The following SEMA6D variants were observed in gnomAD, a reference collection of about 807,000 sequenced individuals.
SEMA6D encodes semaphorin-6D.
Under a neutral mutation model 106.6 loss-of-function variants are expected in SEMA6D, and 35 were observed. The observed-to-expected ratio is 0.33, with a 90% CI of 0.25 to 0.44. The LOEUF (loss-of-function observed/expected upper bound fraction) is 0.44, where lower values mean the gene tolerates loss of function less well. Ranked by LOEUF, SEMA6D falls within the 20% of genes least tolerant of loss-of-function variation. The probability of loss-of-function intolerance (pLI) is 1.00; values close to 1 mark genes in which losing one functional copy is unlikely to be tolerated. For missense variants in SEMA6D, 1,185 were observed against 1,345.9 expected, an observed-to-expected ratio of 0.88 and a Z score of 1.87; for synonymous variants, 499 against 487.7, an observed-to-expected ratio of 1.02 and a Z score of -0.31.
chr15:47,283,675 G>A (rs76806069), intron 1 of SEMA6D, among the ~76,000 whole-genome samples: 3,199 of 152,220 alleles, frequency 0.021, 113 homozygotes, highest in African/African-American at 0.073. Context: ...CATGCTAAGA[G>A]AAATGTCCAG....
chr15:47,319,838 C>T (rs1208224399), intron 1 of SEMA6D, among the ~76,000 whole-genome samples: 2 of 152,104 alleles, frequency 1.3e-5, no homozygotes, highest in Non-Finnish European at 2.9e-5. Context: ...TTGTTCCCCA[C>T]CTGTGCCTAT....
intron 1 of SEMA6D, among the ~76,000 whole-genome samples, chr15:47,205,302 C>T (rs747232517): frequency 3.9e-5 from 6 of 152,104 alleles, no homozygotes; most frequent in Non-Finnish European, 7.4e-5. Flanking sequence ...TTAACAGTTT[C>T]CACATGTGTC....
chr15:47,711,289 G>C (rs1443997737), intron 4 of SEMA6D, among the ~76,000 whole-genome samples: 1 of 120,146 alleles, frequency 8.3e-6, no homozygotes. Context: ...CAGCCTGGGC[G>C]ACAGAGCGAG....
chr15:47,668,456 T>A (rs1363279569), intron 4 of SEMA6D, among the ~76,000 whole-genome samples: 1 of 152,216 alleles, frequency 6.6e-6, no homozygotes, highest in Non-Finnish European at 1.5e-5. Context: ...ATATGAGCTC[T>A]ATTCTGCTCC....
At chr15:47,694,295 A>G (rs1006036046) in intron 4 of SEMA6D, among the ~76,000 whole-genome samples, 6 of 152,136 alleles carry the variant, frequency 3.9e-5, no homozygotes, top group African/African-American at 1.2e-4. Context: ...CTGAAAAATT[A>G]TGGGACCTTC....
Position 47,431,344 on chromosome 15 carries a change from C to G in SEMA6D, c.-159+18872C>G, listed in dbSNP as rs566075623. Among the ~76,000 whole-genome samples the G allele has an allele frequency of 5.9e-5, 9 of 152,144 alleles. No homozygotes were observed. The East Asian group carries it at 1.4e-3, about 23-fold the overall frequency. On this transcript the variant is annotated intron_variant, in intron 2 of 19. Coordinates refer to the SEMA6D transcript ENST00000558014. The stretch of plus-strand genomic sequence containing the variant: ...TGCCCTTCAAATTAACACCTCAAAG[C>G]ACAATTTGAGCATAACACTGTAGTT...
intron 4 of SEMA6D, among the ~76,000 whole-genome samples, chr15:47,680,514 A>C (rs2078331524): frequency 6.6e-6 from 1 of 152,182 alleles, no homozygotes; most frequent in African/African-American, 2.4e-5. Context: ...TGCATTGAAA[A>C]GACTTTTTAC....
At chr15:47,750,669 T>C (rs767548280) in intron 1 of SEMA6D, among the ~76,000 whole-genome samples, 1 of 152,222 alleles carries the variant, frequency 6.6e-6, no homozygotes, top group Non-Finnish European at 1.5e-5. Flanking sequence ...CCACATGCCA[T>C]GGGGCAGAGT....
At chr15:47,538,488 G>A (rs1447361377) in intron 3 of SEMA6D, among the ~76,000 whole-genome samples, 2 of 152,084 alleles carry the variant, frequency 1.3e-5, no homozygotes, top group African/African-American at 4.8e-5. Context: ...CGAAGTCCCA[G>A]TACTAATATT....
intron 3 of SEMA6D, among the ~76,000 whole-genome samples, chr15:47,550,198 C>T (rs59990286): frequency 0.19 from 29,605 of 152,094 alleles, 3,565 homozygotes; most frequent in African/African-American, 0.33. Flanking sequence ...GTTTCCTTTA[C>T]TTCCAAGTTT....
At chr15:47,213,760 C>A (rs772029682) in intron 1 of SEMA6D, among the ~76,000 whole-genome samples, 1 of 152,028 alleles carries the variant, frequency 6.6e-6, no homozygotes, top group African/African-American at 2.4e-5. Context: ...AAATGACAGC[C>A]TGTAGCAGAA....
At chr15:47,447,270 G>A (rs2042056712) in intron 2 of SEMA6D, among the ~76,000 whole-genome samples, 1 of 152,116 alleles carries the variant, frequency 6.6e-6, no homozygotes, top group African/African-American at 2.4e-5. Flanking sequence ...TGAGTTGACT[G>A]GTGGCTGGTA....
At chr15:47,745,637 G>T (rs956384683) in intron 1 of SEMA6D, among the ~76,000 whole-genome samples, 1 of 152,216 alleles carries the variant, frequency 6.6e-6, no homozygotes, top group Non-Finnish European at 1.5e-5. Flanking sequence ...GAAGTTCATA[G>T]TCCATCAGAT....
chr15:47,620,288 C>T (rs912677942), intron 4 of SEMA6D, among the ~76,000 whole-genome samples: 2 of 152,206 alleles, frequency 1.3e-5, no homozygotes, highest in African/African-American at 4.8e-5. Context: ...CAAGCGATCT[C>T]ACACCTGGGA....
At chr15:47,192,566 A>G (rs1167811771) in intron 1 of SEMA6D, among the ~76,000 whole-genome samples, 1 of 152,212 alleles carries the variant, frequency 6.6e-6, no homozygotes, top group African/African-American at 2.4e-5. Context: ...CATGTTTATC[A>G]TCATTAAAAA....
At chr15:47,485,044 A>T (rs1269396558) in intron 3 of SEMA6D, among the ~76,000 whole-genome samples, 2 of 152,230 alleles carry the variant, frequency 1.3e-5, no homozygotes, top group African/African-American at 4.8e-5. Flanking sequence ...TAATGTAATG[A>T]TTTATGAATA....
intron 1 of SEMA6D, among the ~76,000 whole-genome samples, chr15:47,722,404 G>A (rs746038660): frequency 7.9e-5 from 12 of 152,122 alleles, no homozygotes; most frequent in Admixed American, 1.3e-4. Flanking sequence ...CAAAGAACAC[G>A]CGATGTACCT....
chr15:47,580,591 C>T (rs1459429488), intron 3 of SEMA6D, among the ~76,000 whole-genome samples: 1 of 152,132 alleles, frequency 6.6e-6, no homozygotes, highest in African/African-American at 2.4e-5. Flanking sequence ...AAGTGTATCA[C>T]TACCATGTGC....
intron 1 of SEMA6D, among the ~76,000 whole-genome samples, chr15:47,189,293 C>T (rs536877001): frequency 8.5e-5 from 13 of 152,242 alleles, no homozygotes; most frequent in African/African-American, 3.1e-4. Flanking sequence ...AGGCTGGCAG[C>T]TTTTGAAATT....
Sources: gnomAD v4.1 joint callset for allele counts (sites outside exome capture counted in the v4.1 genomes callset) on GRCh38, gnomAD v4.1.1 for gene constraint, MANE v1.5 for transcripts, NCBI Gene and HGNC (gene_info 2026-07-23, HGNC 2026-07-21) for gene names.